The following STARD13 variants were observed in gnomAD, a reference collection of about 807,000 sequenced individuals.
STARD13 encodes stAR-related lipid transfer protein 13.
STARD13 carries 62 observed loss-of-function variants against 106.4 expected under a neutral mutation model. That is an observed-to-expected ratio of 0.58 (90% CI 0.48 to 0.72). STARD13 has a LOEUF of 0.72. Among genes scored for constraint, STARD13 ranks in the 30% least tolerant of loss-of-function variants. The pLI, the probability that STARD13 is intolerant of heterozygous loss-of-function variation, is 0.00. For missense variants in STARD13, 1,387 were observed against 1,424.0 expected (o/e 0.97, Z 0.42); for synonymous variants, 565 against 553.0 (o/e 1.02, Z -0.31).
downstream of STARD13, among the ~76,000 whole-genome samples, chr13:33,345,361 G>A (rs963601792): frequency 6.6e-6 from 1 of 152,176 alleles, no homozygotes; most frequent in Non-Finnish European, 1.5e-5. Context: ...TTTTGTAATT[G>A]AACTGCAAGT....
At chr13:33,169,771 G>A (rs1189933271) in intron 1 of STARD13, among the ~76,000 whole-genome samples, 1 of 152,204 alleles carries the variant, frequency 6.6e-6, no homozygotes, top group African/African-American at 2.4e-5. Flanking sequence ...CAAAGACAGA[G>A]AGTGGGAAGT....
the STARD13 span, among the ~76,000 whole-genome samples, chr13:33,595,608 G>A: frequency 1.3e-5 from 2 of 152,036 alleles, no homozygotes; most frequent in Non-Finnish European, 2.9e-5. Context: ...AGATACATGG[G>A]TTGTGCACAC....
intron 1 of STARD13, among the ~76,000 whole-genome samples, chr13:33,267,307 T>C (rs920998585): frequency 8.6e-5 from 13 of 151,926 alleles, no homozygotes; most frequent in African/African-American, 2.9e-4. Context: ...CCTCCCTCAA[T>C]CTCCCAGTAA....
At chr13:33,567,149 C>G in the STARD13 span, among the ~76,000 whole-genome samples, 2 of 148,360 alleles carry the variant, frequency 1.3e-5, no homozygotes, top group African/African-American at 4.9e-5. Flanking sequence ...ACTAGGTACT[C>G]ACACTCACTC....
the STARD13 span, among the ~76,000 whole-genome samples, chr13:33,443,458 C>G: frequency 5.3e-5 from 2 of 37,670 alleles, no homozygotes; most frequent in Non-Finnish European, 9.3e-5. Context: ...GGTCCCCCCC[C>G]CAAAAAAAAA....
chr13:33,174,122 G>A (rs1272410765), intron 1 of STARD13, among the ~76,000 whole-genome samples: 2 of 151,998 alleles, frequency 1.3e-5, no homozygotes, highest in Non-Finnish European at 2.9e-5. Context: ...AACCTAAGCA[G>A]GTTTATTCCT....
intron 7 of STARD13, among the ~76,000 whole-genome samples, chr13:33,119,114 T>A (rs2069309): frequency 6.6e-6 from 1 of 151,980 alleles, no homozygotes; most frequent in South Asian, 2.1e-4. Flanking sequence ...AGAATGAAGA[T>A]CCTGCAATGG....
the STARD13 span, among the ~76,000 whole-genome samples, chr13:33,647,651 T>TTTC: frequency 1.3e-5 from 2 of 152,330 alleles, no homozygotes; most frequent in African/African-American, 4.8e-5. Context: ...GTTTGACATA[T>TTTC]CTAGGTTGTT....
At chr13:33,261,107 G>T (rs1890618937) in intron 1 of STARD13, among the ~76,000 whole-genome samples, 1 of 152,206 alleles carries the variant, frequency 6.6e-6, no homozygotes, top group African/African-American at 2.4e-5. Context: ...ACAAAGGAAT[G>T]AATTCATTTG....
chr13:33,188,820 C>T (rs1455623557), intron 1 of STARD13, among the ~76,000 whole-genome samples: 1 of 152,200 alleles, frequency 6.6e-6, no homozygotes, highest in Non-Finnish European at 1.5e-5. Flanking sequence ...GTGCTTTCTT[C>T]ATAAAGAATC....
chr13:33,133,893 G>GT (rs1357093206), intron 4 of STARD13, among the ~76,000 whole-genome samples: 5 of 152,118 alleles, frequency 3.3e-5, no homozygotes, highest in Admixed American at 1.3e-4. Context: ...CTCTCCAGTG[G>GT]TATTTATGGA....
At chr13:33,387,288 G>A in the STARD13 span, among the ~76,000 whole-genome samples, 2 of 152,204 alleles carry the variant, frequency 1.3e-5, no homozygotes, top group Middle Eastern at 3.4e-3. Context: ...ACAGAAGTGC[G>A]CCACTGAGAC....
the STARD13 span, among the ~76,000 whole-genome samples, chr13:33,503,680 A>G: frequency 1.3e-5 from 2 of 152,188 alleles, no homozygotes; most frequent in African/African-American, 4.8e-5. Context: ...GTTTCCATGT[A>G]GTTGAGCGGT....
At chr13:33,182,562 A>T (rs1049945849) in intron 1 of STARD13, among the ~76,000 whole-genome samples, 6 of 152,220 alleles carry the variant, frequency 3.9e-5, no homozygotes, top group Non-Finnish European at 8.8e-5. Flanking sequence ...CACACATAAA[A>T]TATGCTAACA....
intron 3 of STARD13, among the ~76,000 whole-genome samples, chr13:33,159,120 G>A (rs1882329318): frequency 6.6e-6 from 1 of 152,190 alleles, no homozygotes; most frequent in South Asian, 2.1e-4. Flanking sequence ...GCACTGTGGT[G>A]TCTAGTATTG....
At chr13:33,536,717 A>C in the STARD13 span, among the ~76,000 whole-genome samples, 1 of 152,188 alleles carries the variant, frequency 6.6e-6, no homozygotes, top group African/African-American at 2.4e-5. Context: ...CTGTAAAACC[A>C]CCTGGTTTTC....
At chr13:33,256,253 T>C (rs1890358412) in intron 1 of STARD13, among the ~76,000 whole-genome samples, 2 of 152,224 alleles carry the variant, frequency 1.3e-5, no homozygotes, top group African/African-American at 4.8e-5. Context: ...CCTGGGTCAA[T>C]GATGTGCATT....
At chr13:33,409,144 G>A in the STARD13 span, among the ~76,000 whole-genome samples, 1 of 152,004 alleles carries the variant, frequency 6.6e-6, no homozygotes, top group African/African-American at 2.4e-5. Flanking sequence ...TACACTGTAT[G>A]TATCTCCAAT....
intron 1 of STARD13, among the ~76,000 whole-genome samples, chr13:33,296,760 A>G (rs1399488899): frequency 1.3e-5 from 2 of 152,174 alleles, no homozygotes; most frequent in Admixed American, 1.3e-4. Flanking sequence ...CTGGGATTAC[A>G]GGGGCCCCCC....
Sources: gnomAD v4.1 joint callset for allele counts (sites outside exome capture counted in the v4.1 genomes callset) on GRCh38, gnomAD v4.1.1 for gene constraint, MANE v1.5 for transcripts, NCBI Gene and HGNC (gene_info 2026-07-23, HGNC 2026-07-21) for gene names.